Variants in VSTM4 observed in about 807,000 individuals in gnomAD.
The protein encoded by VSTM4 is V-set and transmembrane domain containing 4.
In VSTM4, 20 loss-of-function variants were observed where a neutral mutation model predicts 36.4. That is an observed-to-expected ratio of 0.55 (90% confidence interval 0.39 to 0.80). VSTM4 has a LOEUF of 0.80. Among genes scored for constraint, VSTM4 ranks in the 30% least tolerant of loss-of-function variants. The pLI, the probability that VSTM4 is intolerant of heterozygous loss-of-function variation, is 0.00. For synonymous variants in VSTM4, 182 were observed against 173.9 expected, an observed-to-expected ratio of 1.05 and a Z score of -0.37; for missense variants, 392 against 404.5, an observed-to-expected ratio of 0.97 and a Z score of 0.26.
chr10:49,029,679 A>C (rs1413084995), intron 7 of VSTM4, among the ~76,000 whole-genome samples: 1 of 152,242 alleles, frequency 6.6e-6, no homozygotes, highest in Non-Finnish European at 1.5e-5. Context: ...CTGGGATGCC[A>C]ACAGGGAAAA....
At chr10:49,091,093 C>T (rs1590122835) in intron 2 of VSTM4, among the ~76,000 whole-genome samples, 2 of 152,350 alleles carry the variant, frequency 1.3e-5, no homozygotes, top group Admixed American at 6.5e-5. Flanking sequence ...TATCTCAGTA[C>T]AGCTGTTATC....
chr10:49,057,862 G>A (rs147357171), intron 5 of VSTM4, among the ~76,000 whole-genome samples: 5 of 152,344 alleles, frequency 3.3e-5, no homozygotes, highest in Non-Finnish European at 7.4e-5. Flanking sequence ...CTGGGGCACA[G>A]CATAAGTCTG....
intron 7 of VSTM4, among the ~76,000 whole-genome samples, chr10:49,034,011 C>CATT (rs1236729425): frequency 6.6e-6 from 1 of 152,086 alleles, no homozygotes. Flanking sequence ...TTACCATCAT[C>CATT]ATCACCATTA....
chr10:49,089,025 AT>A (rs1421092725), intron 2 of VSTM4, among the ~76,000 whole-genome samples: 1 of 152,224 alleles, frequency 6.6e-6, no homozygotes, highest in East Asian at 1.9e-4. Context: ...CCTGGGTGAA[AT>A]GTATGCCTTT....
intron 7 of VSTM4, among the ~76,000 whole-genome samples, chr10:49,042,313 T>C (rs1325365520): frequency 6.6e-6 from 1 of 151,728 alleles, no homozygotes; most frequent in Non-Finnish European, 1.5e-5. Flanking sequence ...GTCAACAGAG[T>C]AGAATTGATG....
At chr10:49,095,627 C>T (rs748116865) in intron 2 of VSTM4, among the ~76,000 whole-genome samples, 11 of 152,194 alleles carry the variant, frequency 7.2e-5, no homozygotes, top group Non-Finnish European at 1.6e-4. Context: ...TCTGCTGAAG[C>T]TCTCCTGTGC....
intron 6 of VSTM4, among the ~76,000 whole-genome samples, chr10:49,047,882 T>C (rs1407683274): frequency 2.0e-5 from 3 of 152,246 alleles, no homozygotes; most frequent in African/African-American, 7.2e-5. Context: ...AAGGTATGAA[T>C]ATCTCCTAAA....
chr10:49,066,731 T>G (rs1479081781), intron 4 of VSTM4, among the ~76,000 whole-genome samples: 1 of 152,204 alleles, frequency 6.6e-6, no homozygotes, highest in Non-Finnish European at 1.5e-5. Flanking sequence ...TTATGTCATC[T>G]TGATTAATCT....
intron 7 of VSTM4, among the ~76,000 whole-genome samples, chr10:49,030,588 T>C (rs1843330522): frequency 6.6e-6 from 1 of 152,176 alleles, no homozygotes; most frequent in Non-Finnish European, 1.5e-5. Flanking sequence ...CTTGGATGGA[T>C]ATGAAGACGT....
rs1843093649 is a variant in VSTM4, at chr10:49,015,619, G to A, written c.*4031C>T. The A allele has an allele frequency of 6.6e-6, 1 of 152,184 alleles. No homozygotes were observed. Among genetic ancestry groups the A allele is most frequent in the Non-Finnish European group, 1.5e-5 (1 of 68,070 alleles). 9.4% of individuals were successfully genotyped at this position (152,184 alleles called of 1,614,324 possible). ...GATGAACAGTTTCTATCCTATGTAT[G>A]GAGATGGGAGTGTGGTCTGGAGTGG... On this transcript the variant is annotated 3_prime_UTR_variant, in exon 8 of 8. Transcript: ENST00000332853.
At chr10:49,096,601 G>GGT (rs1844573362) in intron 2 of VSTM4, among the ~76,000 whole-genome samples, 1 of 148,360 alleles carries the variant, frequency 6.7e-6, no homozygotes, top group Admixed American at 6.7e-5. Context: ...TGTAGGATTG[G>GGT]GTTGAAAAGC....
chr10:49,055,800 C>T (rs553835448), intron 5 of VSTM4, among the ~76,000 whole-genome samples: 1 of 152,362 alleles, frequency 6.6e-6, no homozygotes, highest in South Asian at 2.1e-4. Context: ...AAGTGGGTGA[C>T]ATGAGCCAAC....
intron 2 of VSTM4, among the ~76,000 whole-genome samples, chr10:49,087,119 A>T (rs557864450): frequency 6.6e-6 from 1 of 152,304 alleles, no homozygotes; most frequent in South Asian, 2.1e-4. Flanking sequence ...TCCTATTGAC[A>T]TATCTTCCAA....
intron 3 of VSTM4, among the ~76,000 whole-genome samples, chr10:49,085,253 A>G (rs1469786054): frequency 2.6e-5 from 4 of 152,272 alleles, no homozygotes; most frequent in African/African-American, 9.6e-5. Context: ...TTCCAAGGCC[A>G]TGGTTCTCAG....
intron 5 of VSTM4, among the ~76,000 whole-genome samples, chr10:49,060,417 ACC>A (rs1843857221): frequency 6.6e-6 from 1 of 152,158 alleles, no homozygotes; most frequent in African/African-American, 2.4e-5. Context: ...TAGTGATATC[ACC>A]TGTGGTTTTA....
At chr10:49,021,465 G>A (rs796611954) in intron 7 of VSTM4, among the ~76,000 whole-genome samples, 6 of 152,168 alleles carry the variant, frequency 3.9e-5, no homozygotes, top group African/African-American at 1.4e-4. Flanking sequence ...AAAAAATGAG[G>A]AAGATATTTA....
intron 3 of VSTM4, among the ~76,000 whole-genome samples, chr10:49,078,202 G>T (rs972843849): frequency 6.6e-6 from 1 of 152,220 alleles, no homozygotes; most frequent in Admixed American, 6.5e-5. Flanking sequence ...TCACTCAGAC[G>T]TGGCTGGTGG....
chr10:49,026,304 C>T (rs917108821), intron 7 of VSTM4, among the ~76,000 whole-genome samples: 3 of 152,150 alleles, frequency 2.0e-5, no homozygotes, highest in Non-Finnish European at 4.4e-5. Flanking sequence ...GAAATTCACC[C>T]CATGCTCAGC....
intron 7 of VSTM4, among the ~76,000 whole-genome samples, chr10:49,041,454 T>C (rs566974905): frequency 6.6e-6 from 1 of 152,302 alleles, no homozygotes; most frequent in Admixed American, 6.5e-5. Flanking sequence ...CAATCAATTA[T>C]CTGTGAAAAT....
Sources: gnomAD v4.1 joint callset for allele counts (sites outside exome capture counted in the v4.1 genomes callset) on GRCh38, gnomAD v4.1.1 for gene constraint, MANE v1.5 for transcripts, NCBI Gene and HGNC (gene_info 2026-07-23, HGNC 2026-07-21) for gene names.